KLF12: variants seen among roughly 807,000 people sequenced by gnomAD.
KLF12 encodes the protein KLF transcription factor 12, also known as Krueppel-like factor 12.
A neutral mutation model predicts 37.8 loss-of-function variants in KLF12; 9 were observed. That is an observed-to-expected ratio of 0.24 (90% CI 0.14 to 0.42). KLF12 has a LOEUF of 0.42. Among genes scored for constraint, KLF12 ranks in the 10% least tolerant of loss-of-function variants. The pLI, the probability that KLF12 is intolerant of heterozygous loss-of-function variation, is 1.00. For missense variants in KLF12, 411 were observed against 516.0 expected, an observed-to-expected ratio of 0.80 and a Z score of 1.97; for synonymous variants, 208 against 202.1, an observed-to-expected ratio of 1.03 and a Z score of -0.25.
the KLF12 span, among the ~76,000 whole-genome samples, chr13:74,209,850 T>C: frequency 1.3e-5 from 2 of 152,134 alleles, no homozygotes; most frequent in African/African-American, 2.4e-5. Context: ...TTTACACAAC[T>C]AATACTAAAA....
intron 1 of KLF12, among the ~76,000 whole-genome samples, chr13:74,126,653 C>T (rs1321160034): frequency 2.0e-5 from 3 of 152,000 alleles, no homozygotes; most frequent in Admixed American, 2.0e-4. Context: ...TAAAATTTTC[C>T]AAATAATTTT....
At chr13:74,275,791 T>TTTCC in the KLF12 span, among the ~76,000 whole-genome samples, 1 of 89,014 alleles carries the variant, frequency 1.1e-5, no homozygotes, top group South Asian at 4.0e-4. Flanking sequence ...TCTTTCTTTC[T>TTTCC]TTCTTTCTTT....
In KLF12 at chr13:73,901,330, C is replaced by A. The variant is rs532267748; in HGVS notation, c.123+42651G>T. 2.2e-4 allele frequency among the ~76,000 whole-genome samples: 33 copies of A among 152,304 alleles called. No individual in the cohort carries two copies. In the East Asian group the frequency reaches 6.4e-3, roughly 29 times the overall value. On this transcript the variant is annotated intron_variant, in intron 3 of 7. Transcript: ENST00000377669. The stretch of plus-strand genomic sequence containing the variant: ...TTTTCTACCTAATGATAATTACAGT[C>A]TGTAGAACAGGCAGTCTCTAATAAA...
At chr13:73,928,522 T>G (rs1287525966) in intron 3 of KLF12, among the ~76,000 whole-genome samples, 3 of 152,190 alleles carry the variant, frequency 2.0e-5, no homozygotes, top group Non-Finnish European at 4.4e-5. Context: ...AAACACTGAA[T>G]AAGTCAGAGG....
At chr13:73,769,713 A>G (rs1466087658) in intron 5 of KLF12, among the ~76,000 whole-genome samples, 1 of 152,192 alleles carries the variant, frequency 6.6e-6, no homozygotes, top group Non-Finnish European at 1.5e-5. Flanking sequence ...ACAAAAAAAA[A>G]GATGTTCCTT....
chr13:73,949,119 G>C (rs764423330), intron 2 of KLF12, among the ~76,000 whole-genome samples: 1 of 152,152 alleles, frequency 6.6e-6, no homozygotes, highest in Non-Finnish European at 1.5e-5. Context: ...CAATTAGTAA[G>C]CAATACAGCT....
chr13:74,081,778 T>C (rs1454390903), intron 1 of KLF12, among the ~76,000 whole-genome samples: 1 of 152,220 alleles, frequency 6.6e-6, no homozygotes, highest in African/African-American at 2.4e-5. Flanking sequence ...TATTCTCCTA[T>C]ATTACTCGTG....
chr13:74,079,663 C>G (rs1874765502), intron 1 of KLF12, among the ~76,000 whole-genome samples: 1 of 152,152 alleles, frequency 6.6e-6, no homozygotes, highest in Non-Finnish European at 1.5e-5. Flanking sequence ...ATCAGAATCA[C>G]CATGGGCTTT....
chr13:73,903,737 C>T (rs533989395), intron 3 of KLF12, among the ~76,000 whole-genome samples: 7 of 152,282 alleles, frequency 4.6e-5, no homozygotes, highest in African/African-American at 1.7e-4. Flanking sequence ...TTAGGAACCT[C>T]GTCGCACAGC....
In KLF12 at chr13:73,942,016, T is replaced by C. The variant is rs1011113781; in HGVS notation, c.123+1965A>G. Among the ~76,000 whole-genome samples, 7 of 152,306 alleles carry C rather than the reference T, an allele frequency of 4.6e-5. No individual in the cohort carries two copies. In the South Asian group the frequency reaches 1.4e-3, roughly 32 times the overall value. On this transcript the variant is annotated intron_variant, in intron 3 of 7. Coordinates refer to ENST00000377669, the MANE Select transcript of KLF12 (RefSeq NM_007249.5). ...CCTCTCTAAGGACAAAAAAAATGCT[T>C]TCTATAAATAATGTGACATGGAGTT...
the KLF12 span, among the ~76,000 whole-genome samples, chr13:74,163,896 T>TA: frequency 0.068 from 6,126 of 90,414 alleles, 391 homozygotes; most frequent in African/African-American, 0.16. Context: ...ATTTAAAAAT[T>TA]AAAAAAAAAG....
chr13:73,765,492 AGGG>A (rs1248926451), intron 5 of KLF12, among the ~76,000 whole-genome samples: 1 of 152,194 alleles, frequency 6.6e-6, no homozygotes, highest in African/African-American at 2.4e-5. Flanking sequence ...CTGCAGGCAC[AGGG>A]AAGGAAGGAA....
intron 2 of KLF12, among the ~76,000 whole-genome samples, chr13:73,952,995 G>T (rs1212928441): frequency 6.6e-6 from 1 of 152,162 alleles, no homozygotes; most frequent in Non-Finnish European, 1.5e-5. Flanking sequence ...CTGAGATGAA[G>T]GAAGTGCTGG....
chr13:74,166,534 TG>T, the KLF12 span, among the ~76,000 whole-genome samples: 1 of 152,146 alleles, frequency 6.6e-6, no homozygotes, highest in African/African-American at 2.4e-5. Flanking sequence ...AAGTAGATAC[TG>T]AAGAGTGGAA....
In KLF12 at chr13:74,001,582, TATTA is replaced by T. The variant is rs368416523; in HGVS notation, c.-31-6533_-31-6530del. Among the ~76,000 whole-genome samples, 29 of 152,346 alleles carry T rather than the reference TATTA, an allele frequency of 1.9e-4. No individual in the cohort carries two copies. The East Asian group carries it at 5.2e-3, about 27-fold the overall frequency. ...ATGCAGTATACATATTTGGCTTTCC[TATTA>T]ATTGTTGCCTGTATGCTTGGGCTGC... On this transcript the variant is annotated intron_variant, in intron 1 of 7. Coordinates refer to ENST00000377669, the MANE Select transcript of KLF12 (RefSeq NM_007249.5).
chr13:73,760,995 A>G (rs1413217926), intron 6 of KLF12, among the ~76,000 whole-genome samples: 1 of 152,172 alleles, frequency 6.6e-6, no homozygotes, highest in Admixed American at 6.5e-5. Flanking sequence ...GTCCTATGCC[A>G]GCCTACACAG....
the KLF12 span, among the ~76,000 whole-genome samples, chr13:74,294,605 G>A: frequency 6.6e-6 from 1 of 151,966 alleles, no homozygotes; most frequent in African/African-American, 2.4e-5. Flanking sequence ...CTGACCTTGT[G>A]ATCCACCCGC....
intron 6 of KLF12, among the ~76,000 whole-genome samples, chr13:73,747,709 T>C (rs1878468836): frequency 6.6e-6 from 1 of 152,178 alleles, no homozygotes; most frequent in Non-Finnish European, 1.5e-5. Context: ...GAAACAGGTA[T>C]TATTAGCAAG....
chr13:73,904,231 C>A (rs1474412444), intron 3 of KLF12, among the ~76,000 whole-genome samples: 1 of 152,072 alleles, frequency 6.6e-6, no homozygotes, highest in African/African-American at 2.4e-5. Flanking sequence ...TTAAGGATCC[C>A]CTAATAAAAT....
Sources: allele counts gnomAD v4.1 joint callset (sites outside exome capture counted in the v4.1 genomes callset), GRCh38; gene constraint gnomAD v4.1.1; transcripts MANE v1.5; gene names NCBI Gene and HGNC (gene_info 2026-07-23, HGNC 2026-07-21).